The following CACNA1A variants were observed in gnomAD, a reference collection of about 807,000 sequenced individuals.
The protein encoded by CACNA1A is voltage-dependent P/Q-type calcium channel subunit alpha-1A.
CACNA1A carries 57 observed loss-of-function variants against 262.4 expected under a neutral mutation model. The ratio of observed to expected loss-of-function variants is 0.22; its 90% confidence interval spans 0.18 to 0.27. The LOEUF is 0.27. CACNA1A is among the 10% of genes least tolerant of loss of function. CACNA1A has a pLI of 1.00. For missense variants in CACNA1A, 2,526 were observed against 3,562.8 expected, an observed-to-expected ratio of 0.71 and a Z score of 7.41; for synonymous variants, 1,431 against 1,419.3, an observed-to-expected ratio of 1.01 and a Z score of -0.18.
At chr19:13,459,191 G>A (rs4926289) in intron 1 of CACNA1A, among the ~76,000 whole-genome samples, 1 of 151,880 alleles carries the variant, frequency 6.6e-6, no homozygotes, top group Non-Finnish European at 1.5e-5. Context: ...TCCCCTCCTC[G>A]TAGCTCTAAC....
At chr19:13,305,151 C>T (rs1430672908) in intron 15 of CACNA1A, among the ~76,000 whole-genome samples, 3 of 152,156 alleles carry the variant, frequency 2.0e-5, no homozygotes, top group South Asian at 4.1e-4. Flanking sequence ...TGTGATCAAG[C>T]GAGTTTCCAC....
intron 1 of CACNA1A, among the ~76,000 whole-genome samples, chr19:13,487,005 G>C (rs190434692): frequency 2.8e-4 from 43 of 152,296 alleles, no homozygotes; most frequent in African/African-American, 8.9e-4. Flanking sequence ...CTGGCTGGGG[G>C]AAATGGGATG....
chr19:13,259,310 A>AG (rs2056658054), intron 27 of CACNA1A: 1 of 70,262 alleles, frequency 1.4e-5, no homozygotes, highest in Non-Finnish European at 3.1e-5. Flanking sequence ...CATGCCTGGC[A>AG]GCTTTTTTTT....
chr19:13,437,630 G>A (rs950648671), intron 3 of CACNA1A, among the ~76,000 whole-genome samples: 2 of 144,202 alleles, frequency 1.4e-5, no homozygotes, highest in African/African-American at 5.3e-5. Flanking sequence ...GGCAGAAGTT[G>A]CAGTGAGCCA....
At chr19:13,408,624 C>T (rs138105091) in intron 3 of CACNA1A, among the ~76,000 whole-genome samples, 2 of 152,332 alleles carry the variant, frequency 1.3e-5, no homozygotes, top group Non-Finnish European at 2.9e-5. Context: ...AACTGGTCTA[C>T]CCATTGCAAT....
At chr19:13,487,507 G>A (rs1980165753) in intron 1 of CACNA1A, among the ~76,000 whole-genome samples, 1 of 152,120 alleles carries the variant, frequency 6.6e-6, no homozygotes, top group Non-Finnish European at 1.5e-5. Flanking sequence ...GGAGAGACAG[G>A]GAGTGAGCGC....
At chr19:13,489,003 CTTTTTTTTTT>C (rs896790084) in intron 1 of CACNA1A, among the ~76,000 whole-genome samples, 1 of 75,226 alleles carries the variant, frequency 1.3e-5, no homozygotes, top group Non-Finnish European at 2.3e-5. Context: ...CTTTTCTTTT[CTTTTTTTTTT>C]TTTTTTTTTT....
In CACNA1A at chr19:13,222,843, C is replaced by T. The variant is rs114310835; in HGVS notation, c.5731+1824G>A. Among the ~76,000 whole-genome samples the T allele has an allele frequency of 8.8e-3, 1,327 of 150,922 alleles. 22 individuals are homozygous for T. The highest frequency in any genetic ancestry group is 0.031 in the African/African-American group (1,264 of 41,102). ...CGGAGTAGCTGGGGTTACAGGCGCC[C>T]ACCATGACACCCGGCTACTTTTTGT... is the stretch of plus-strand genomic sequence containing the variant. On this transcript the variant is annotated intron_variant, in intron 38 of 46. Coordinates refer to ENST00000360228, the MANE Select transcript of CACNA1A (RefSeq NM_001127222.2).
chr19:13,479,362 G>A (rs1452054544), intron 1 of CACNA1A, among the ~76,000 whole-genome samples: 1 of 152,168 alleles, frequency 6.6e-6, no homozygotes, highest in Non-Finnish European at 1.5e-5. Flanking sequence ...AGGAGAGGAG[G>A]GAGAAGCCAT....
At chr19:13,430,449 GCCCGCCTCGGCCTC>G (rs2060486858) in intron 3 of CACNA1A, among the ~76,000 whole-genome samples, 1 of 152,086 alleles carries the variant, frequency 6.6e-6, no homozygotes, top group Non-Finnish European at 1.5e-5. Context: ...TCAGGTATCT[GCCCGCCTCGGCCTC>G]CCCAAGTGCT....
chr19:13,224,551 G>C (rs2055363881), intron 38 of CACNA1A, 116 bp downstream of exon 38: 1 of 707,708 alleles, frequency 1.4e-6, no homozygotes, highest in Non-Finnish European at 2.5e-6. Flanking sequence ...CGAATGAATG[G>C]AAGAGTGAAT....
chr19:13,349,886 T>A (rs2058875286), intron 6 of CACNA1A, among the ~76,000 whole-genome samples: 1 of 152,102 alleles, frequency 6.6e-6, no homozygotes, highest in Admixed American at 6.6e-5. Flanking sequence ...TGATCACCCA[T>A]CTTGATTCCA....
rs991192417 is a variant in CACNA1A at position 13,209,503 on chromosome 19, G to C, written c.6340-5C>G. Reference sequence around the variant, plus strand: ...GGGGCTGGTGTCTGAGATGGTCTGGGGGAGGGGACAGGCCGGTGGGCTGGG... The same window carrying C: ...GGGGCTGGTGTCTGAGATGGTCTGGCGGAGGGGACAGGCCGGTGGGCTGGG... On this transcript the variant is annotated splice_region_variant and splice_polypyrimidine_tract_variant and intron_variant, in intron 44 of 46. Coordinates refer to ENST00000360228, the MANE Select transcript of CACNA1A (RefSeq NM_001127222.2). 7.7e-7 allele frequency: 1 copy of C among 1,306,326 alleles called. No homozygotes were observed. Among genetic ancestry groups the C allele is most frequent in the Non-Finnish European group, 9.8e-7 (1 of 1,020,240 alleles). The allele number at this position is 1,306,326 out of a possible 1,614,324, so 80.9% of individuals were successfully genotyped here. A position where few individuals can be genotyped will look rare whatever the true frequency, so the allele number is the denominator to read the frequency against.
chr19:13,274,302 A>T (rs1051024500), intron 24 of CACNA1A: 2 of 152,116 alleles, frequency 1.3e-5, no homozygotes, highest in South Asian at 4.1e-4. Context: ...AGAAGAATCT[A>T]AGTGTGGCCT....
At chr19:13,352,539 C>T (rs1231390768) in intron 6 of CACNA1A, among the ~76,000 whole-genome samples, 2 of 152,122 alleles carry the variant, frequency 1.3e-5, no homozygotes, top group Non-Finnish European at 2.9e-5. Context: ...TTTTTCTTTA[C>T]TTATATTTTC....
chr19:13,268,893 CTTTTTTTTTTTT>C (rs3050832), intron 24 of CACNA1A, among the ~76,000 whole-genome samples: 3 of 107,948 alleles, frequency 2.8e-5, no homozygotes, highest in Admixed American at 1.0e-4. Context: ...ATAGATTCTA[CTTTTTTTTTTTT>C]TTTTTTTTTT....
chr19:13,403,511 CA>C (rs2059946407), intron 3 of CACNA1A, among the ~76,000 whole-genome samples: 1 of 152,154 alleles, frequency 6.6e-6, no homozygotes, highest in African/African-American at 2.4e-5. Flanking sequence ...ACAGAGTCAA[CA>C]AACCCGGGAC....
At chr19:13,211,013 C>A in intron 43 of CACNA1A, 1 of 279,512 alleles carries the variant, frequency 3.6e-6, no homozygotes, top group East Asian at 7.4e-5. Flanking sequence ...ACCCCTGGCT[C>A]CGGCCGATGC....
At chr19:13,247,687 G>A (rs762478945) in intron 30 of CACNA1A, among the ~76,000 whole-genome samples, 5 of 132,868 alleles carry the variant, frequency 3.8e-5, no homozygotes, top group Non-Finnish European at 6.4e-5. Context: ...GCCACAGAGC[G>A]AGACTCCGTC....
Sources: gnomAD v4.1 joint callset for allele counts (sites outside exome capture counted in the v4.1 genomes callset) on GRCh38, gnomAD v4.1.1 for gene constraint, MANE v1.5 for transcripts, NCBI Gene and HGNC (gene_info 2026-07-23, HGNC 2026-07-21) for gene names.